The following YAP1 variants were observed in gnomAD, a reference collection of about 807,000 sequenced individuals.
YAP1 encodes transcriptional coactivator YAP1.
In YAP1, 5 loss-of-function variants were observed where a neutral mutation model predicts 56.9. The ratio of observed to expected loss-of-function variants is 0.09; its 90% CI spans 0.05 to 0.18. The LOEUF is 0.18. YAP1 is among the 10% of genes least tolerant of loss of function. YAP1 has a pLI of 1.00. For synonymous variants in YAP1, 265 were observed against 248.1 expected (o/e 1.07, Z -0.64); for missense variants, 539 against 651.8 (o/e 0.83, Z 1.88).
At chr11:102,225,391 A>T (rs1440628794) in intron 7 of YAP1, among the ~76,000 whole-genome samples, 1 of 152,178 alleles carries the variant, frequency 6.6e-6, no homozygotes, top group African/African-American at 2.4e-5. Flanking sequence ...AGGCTGAGGC[A>T]GGAGAATCGC....
At chr11:102,191,528 G>A (rs1948280471) in intron 4 of YAP1, among the ~76,000 whole-genome samples, 1 of 152,130 alleles carries the variant, frequency 6.6e-6, no homozygotes, top group Non-Finnish European at 1.5e-5. Flanking sequence ...ATTCAATGCA[G>A]TTAATCTTTC....
chr11:102,204,394 A>C (rs953575765), intron 4 of YAP1, among the ~76,000 whole-genome samples: 4 of 152,166 alleles, frequency 2.6e-5, no homozygotes, highest in African/African-American at 9.7e-5. Context: ...GGTATTGAGG[A>C]CACATAGATG....
Position 102,232,352 on chromosome 11 carries a change from T to C in YAP1, c.*2412T>C, listed in dbSNP as rs1410204063. 3 of 152,140 alleles carry C rather than the reference T, an allele frequency of 2.0e-5. No individual in the cohort carries two copies. Among genetic ancestry groups the C allele is most frequent in the Non-Finnish European group, 2.9e-5 (2 of 68,020 alleles). 9.4% of individuals were successfully genotyped at this position (152,140 alleles called of 1,614,324 possible). On this transcript the variant is annotated 3_prime_UTR_variant, in exon 9 of 9. Coordinates refer to ENST00000282441, the MANE Select transcript of YAP1 (RefSeq NM_001130145.3). ...AAACTTCTTTCTCTTTAATAAAGAC[T>C]TGTCTTACACCGTGCTGCCATTAAA...
At chr11:102,221,307 G>A (rs181318156) in intron 6 of YAP1, among the ~76,000 whole-genome samples, 1 of 152,272 alleles carries the variant, frequency 6.6e-6, no homozygotes, top group African/African-American at 2.4e-5. Context: ...TTCCCTCTCA[G>A]GACATTGGTG....
intron 3 of YAP1, among the ~76,000 whole-genome samples, chr11:102,185,511 A>T (rs1459566719): frequency 6.6e-6 from 1 of 152,182 alleles, no homozygotes; most frequent in Non-Finnish European, 1.5e-5. Context: ...GGTGTGAGCC[A>T]CTCACATAAA....
chr11:102,215,196 T>G (rs1366588455), intron 6 of YAP1, among the ~76,000 whole-genome samples: 2 of 152,224 alleles, frequency 1.3e-5, no homozygotes, highest in Non-Finnish European at 2.9e-5. Flanking sequence ...TTTTTCTATT[T>G]TTAGAATTGT....
intron 6 of YAP1, among the ~76,000 whole-genome samples, chr11:102,220,275 G>A (rs1347118269): frequency 6.6e-6 from 1 of 152,072 alleles, no homozygotes; most frequent in East Asian, 1.9e-4. Context: ...CATATTTGGA[G>A]TAGTGACCAT....
At chr11:102,178,893 A>C (rs1488863864) in intron 3 of YAP1, among the ~76,000 whole-genome samples, 1 of 152,182 alleles carries the variant, frequency 6.6e-6, no homozygotes, top group Non-Finnish European at 1.5e-5. Context: ...TTACAATCCT[A>C]GCAAAAGGCA....
At chr11:102,190,544 T>G (rs1180271477) in intron 4 of YAP1, among the ~76,000 whole-genome samples, 2 of 152,194 alleles carry the variant, frequency 1.3e-5, no homozygotes, top group South Asian at 2.1e-4. Context: ...GAGAATCACT[T>G]GAATCCAGGC....
At chr11:102,183,071 A>G (rs188121887) in intron 3 of YAP1, among the ~76,000 whole-genome samples, 258 of 152,360 alleles carry the variant, frequency 1.7e-3, no homozygotes, top group African/African-American at 4.8e-3. Context: ...AGGAGAACAG[A>G]TATGTAATCA....
intron 2 of YAP1, among the ~76,000 whole-genome samples, 163 bp from the exon 3 acceptor site, chr11:102,162,293 A>G (rs1439326327): frequency 2.0e-5 from 3 of 152,204 alleles, no homozygotes; most frequent in African/African-American, 7.2e-5. Context: ...TTTAAGGGTG[A>G]AAAATGTCTG....
intron 2 of YAP1, among the ~76,000 whole-genome samples, chr11:102,130,111 G>C (rs1488770601): frequency 6.6e-6 from 1 of 152,002 alleles, no homozygotes; most frequent in African/African-American, 2.4e-5. Flanking sequence ...AGCAAAACCA[G>C]ACCAGAGCAC....
chr11:102,181,613 TA>T (rs554834404), intron 3 of YAP1, among the ~76,000 whole-genome samples: 5 of 151,170 alleles, frequency 3.3e-5, no homozygotes, highest in Non-Finnish European at 5.9e-5. Context: ...AAATAAAATT[TA>T]AAAAAAAACG....
At chr11:102,162,803 A>T (rs938941695) in intron 3 of YAP1, among the ~76,000 whole-genome samples, 77 of 152,168 alleles carry the variant, frequency 5.1e-4, no homozygotes, top group African/African-American at 1.7e-3. Context: ...GTGGTTCTTT[A>T]AGATTTGGTT....
At chr11:102,209,963 T>C (rs1244184987) in intron 6 of YAP1, among the ~76,000 whole-genome samples, 1 of 152,224 alleles carries the variant, frequency 6.6e-6, no homozygotes, top group Admixed American at 6.5e-5. Flanking sequence ...GATAGGCTAC[T>C]TTAGGAAATT....
intron 5 of YAP1, among the ~76,000 whole-genome samples, chr11:102,208,414 G>A (rs1318110176): frequency 7.2e-5 from 11 of 152,074 alleles, no homozygotes; most frequent in Admixed American, 6.6e-4. Flanking sequence ...TTCATTTTCA[G>A]CGAACCTTTA....
chr11:102,119,301 T>G (rs1320189511), intron 2 of YAP1, among the ~76,000 whole-genome samples: 2 of 151,996 alleles, frequency 1.3e-5, no homozygotes, highest in Admixed American at 6.6e-5. Flanking sequence ...AAATAGAACA[T>G]AGAGATTAAC....
At chr11:102,179,544 C>A (rs534179822) in intron 3 of YAP1, among the ~76,000 whole-genome samples, 45 of 152,248 alleles carry the variant, frequency 3.0e-4, no homozygotes, top group African/African-American at 1.0e-3. Flanking sequence ...CATGCTTGCC[C>A]CTGCCTGGAA....
intron 2 of YAP1, among the ~76,000 whole-genome samples, chr11:102,131,054 C>G (rs1021538193): frequency 6.6e-6 from 1 of 152,182 alleles, no homozygotes; most frequent in Non-Finnish European, 1.5e-5. Context: ...CATCATACTG[C>G]AGATAAGAAT....
Sources: allele counts gnomAD v4.1 joint callset (sites outside exome capture counted in the v4.1 genomes callset), GRCh38; gene constraint gnomAD v4.1.1; transcripts MANE v1.5; gene names NCBI Gene and HGNC (gene_info 2026-07-23, HGNC 2026-07-21).